Variants in NBEA observed in about 807,000 individuals in gnomAD.
NBEA encodes neurobeachin.
NBEA carries 44 observed loss-of-function variants against 343.4 expected under a neutral mutation model. That is an observed-to-expected ratio of 0.13 (90% CI 0.10 to 0.16). The LOEUF is 0.16. Among genes scored for constraint, NBEA ranks in the 10% least tolerant of loss-of-function variants. The probability of loss-of-function intolerance (pLI) is 1.00; values close to 1 mark genes in which losing one functional copy is unlikely to be tolerated. For missense variants in NBEA, 2,555 were observed against 3,631.3 expected, an observed-to-expected ratio of 0.70 and a Z score of 7.62; for synonymous variants, 1,175 against 1,238.7, an observed-to-expected ratio of 0.95 and a Z score of 1.08.
At chr13:35,176,193 G>T (rs2070886910) in intron 27 of NBEA, among the ~76,000 whole-genome samples, 1 of 151,922 alleles carries the variant, frequency 6.6e-6, no homozygotes, top group Non-Finnish European at 1.5e-5. Context: ...TGCTGCCAAG[G>T]AATCAAACAT....
intron 39 of NBEA, among the ~76,000 whole-genome samples, chr13:35,441,520 A>T (rs916556294): frequency 6.6e-6 from 1 of 152,164 alleles, no homozygotes; most frequent in Non-Finnish European, 1.5e-5. Context: ...AATGAAGGCC[A>T]TGTTGTCATT....
At chr13:35,432,477 C>G in intron 39 of NBEA, 84 bp downstream of exon 39, 6 of 1,276,338 alleles carry the variant, frequency 4.7e-6, no homozygotes, top group Non-Finnish European at 6.3e-6. Context: ...TTTTTTTTCG[C>G]TAGTATTTAA....
intron 39 of NBEA, among the ~76,000 whole-genome samples, chr13:35,442,803 T>C (rs192356861): frequency 1.3e-5 from 2 of 152,258 alleles, no homozygotes; most frequent in East Asian, 3.9e-4. Context: ...GTATACTCTA[T>C]TAGCAGGCCT....
chr13:35,498,178 G>A (rs2076753576), intron 41 of NBEA, among the ~76,000 whole-genome samples: 1 of 151,924 alleles, frequency 6.6e-6, no homozygotes, highest in Non-Finnish European at 1.5e-5. Flanking sequence ...TTTATGTATA[G>A]GTTAAATACT....
intron 26 of NBEA, 96 bp from the exon 27 acceptor site, chr13:35,173,368 G>A: frequency 9.1e-7 from 1 of 1,097,474 alleles, no homozygotes; most frequent in South Asian, 2.0e-5. Flanking sequence ...ATGAAGCAAG[G>A]GGAAAGAAAG....
chr13:35,149,800 A>G (rs1042084381), intron 18 of NBEA, among the ~76,000 whole-genome samples: 5 of 152,212 alleles, frequency 3.3e-5, no homozygotes, highest in African/African-American at 1.2e-4. Context: ...GCATAATAAC[A>G]TAATATGTTG....
intron 41 of NBEA, among the ~76,000 whole-genome samples, chr13:35,545,365 G>T (rs183841146): frequency 6.6e-6 from 1 of 152,048 alleles, no homozygotes; most frequent in Non-Finnish European, 1.5e-5. Flanking sequence ...CCTCCCTAGC[G>T]CTGTGCCTCA....
intron 34 of NBEA, among the ~76,000 whole-genome samples, chr13:35,232,899 A>G (rs1404355105): frequency 6.6e-6 from 1 of 152,100 alleles, no homozygotes; most frequent in Non-Finnish European, 1.5e-5. Context: ...GGGCTGATGT[A>G]TATCCTGTCA....
At position 35,349,186 on chromosome 13, in the gene NBEA, C is replaced by T. The variant is rs570138145; in HGVS notation, c.5982C>T (p.Ala1994=). The stretch of plus-strand genomic sequence containing the variant: ...AGTTTATTTTGAACAGACAAAGAGC[C>T]GAGGATGTACATAAACATGCAGAGT... ...EAEFILNRQR[A]EDVHKHAEFE... is the part of the protein sequence containing the mutation. The change falls in exon 37 of 59, where the codon GCC becomes GCT. Residue 1994 remains alanine, a synonymous_variant. Coordinates refer to ENST00000379939, the MANE Select transcript of NBEA (RefSeq NM_001385012.1). 24 of 1,603,054 alleles carry T rather than the reference C, an allele frequency of 1.5e-5. No homozygotes were observed. The highest frequency in any genetic ancestry group is 2.7e-5 in the African/African-American group (2 of 74,624).
At chr13:35,545,223 A>G (rs1003943653) in intron 41 of NBEA, among the ~76,000 whole-genome samples, 8 of 152,338 alleles carry the variant, frequency 5.3e-5, no homozygotes, top group Non-Finnish European at 1.0e-4. Context: ...TCAGTATTCA[A>G]CTGACTGTGA....
chr13:35,371,704 G>T (rs1317106701), intron 38 of NBEA, among the ~76,000 whole-genome samples: 1 of 152,012 alleles, frequency 6.6e-6, no homozygotes, highest in Non-Finnish European at 1.5e-5. Context: ...TCCTTATGTT[G>T]ATATCTGCAC....
Position 35,665,124 on chromosome 13 carries a change from A to G in NBEA, c.8402A>G (p.Asp2801Gly). 1.9e-6 allele frequency: 3 copies of G among 1,587,120 alleles called. No homozygotes were observed. Among genetic ancestry groups the G allele is most frequent in the Non-Finnish European group, 2.6e-6 (3 of 1,164,570 alleles). The part of the protein sequence containing the change: ...PAPRAVLTGH[D>G]HEVVCVSVCA... The stretch of plus-strand genomic sequence containing the variant: ...CCAAGAGCCGTCCTCACAGGCCATG[A>G]CCATGAAGTTGTCTGTGTTTCTGTC... The change falls in exon 56 of 59, where the codon GAC becomes GGC. Residue 2801 changes from aspartate to glycine, a missense_variant. This residue lies in a region of NBEA where 186 missense variants were observed against 328.9 expected (regional missense o/e 0.57). Transcript: ENST00000379939.
At chr13:35,264,870 A>G (rs1188050653) in intron 34 of NBEA, among the ~76,000 whole-genome samples, 1 of 151,842 alleles carries the variant, frequency 6.6e-6, no homozygotes, top group Admixed American at 6.6e-5. Context: ...TGTTCAACGT[A>G]GTAGAAGTCC....
chr13:35,152,973 C>CA (rs2068892203), intron 18 of NBEA, among the ~76,000 whole-genome samples: 2 of 151,054 alleles, frequency 1.3e-5, no homozygotes, highest in Admixed American at 1.3e-4. Context: ...TTTGGGTCTA[C>CA]ATTCATCTCT....
chr13:35,452,601 C>T (rs916191936), intron 40 of NBEA, among the ~76,000 whole-genome samples: 1 of 152,126 alleles, frequency 6.6e-6, no homozygotes, highest in Non-Finnish European at 1.5e-5. Flanking sequence ...AGCCAAGGTC[C>T]TTTTCCCAGG....
chr13:34,981,274 T>A (rs1242804081), intron 1 of NBEA, among the ~76,000 whole-genome samples: 1 of 152,222 alleles, frequency 6.6e-6, no homozygotes, highest in Non-Finnish European at 1.5e-5. Flanking sequence ...ATACCACAGT[T>A]TGATTATCCA....
At chr13:35,476,166 C>T in intron 41 of NBEA, 1 of 1,612,226 alleles carries the variant, frequency 6.2e-7, no homozygotes, top group Non-Finnish European at 8.5e-7. Context: ...GATTGTACAC[C>T]GGAGTCTCGC....
At chr13:35,334,757 C>T (rs936112032) in intron 36 of NBEA, among the ~76,000 whole-genome samples, 2 of 152,168 alleles carry the variant, frequency 1.3e-5, no homozygotes, top group Admixed American at 6.6e-5. Flanking sequence ...GGTTATTAAT[C>T]CCTTGTCAGA....
At chr13:35,647,305 AACTTCAAG>A (rs1387190445) in intron 51 of NBEA, among the ~76,000 whole-genome samples, 1 of 152,182 alleles carries the variant, frequency 6.6e-6, no homozygotes, top group East Asian at 1.9e-4. Flanking sequence ...TCACAAGATG[AACTTCAAG>A]ACAACAAGTA....
Sources: gnomAD v4.1 joint callset for allele counts (sites outside exome capture counted in the v4.1 genomes callset) on GRCh38, gnomAD v4.1.1 for gene constraint, gnomAD v4.1.1 regional missense constraint, MANE v1.5 for transcripts, NCBI Gene and HGNC (gene_info 2026-07-23, HGNC 2026-07-21) for gene names.